The following C5orf46 variants were observed in gnomAD, a reference collection of about 807,000 sequenced individuals.
C5orf46 encodes chromosome 5 open reading frame 46.
C5orf46 carries 9 observed loss-of-function variants against 8.9 expected under a neutral mutation model. That is an observed-to-expected ratio of 1.01 (90% CI 0.61 to 1.76). The LOEUF (loss-of-function observed/expected upper bound fraction) is 1.76, where lower values mean the gene tolerates loss of function less well. Ranked by LOEUF, C5orf46 falls within the 40% of genes most tolerant of loss-of-function variation. C5orf46 has a pLI of 0.00. For synonymous variants in C5orf46, 47 were observed against 41.4 expected (o/e 1.14, Z -0.52); for missense variants, 98 against 107.8 (o/e 0.91, Z 0.40).
chr5:147,904,496 A>AT (rs1011897533), intron 1 of C5orf46, among the ~76,000 whole-genome samples: 83 of 152,266 alleles, frequency 5.5e-4, no homozygotes, highest in African/African-American at 1.7e-3. Flanking sequence ...GAAAGATGAG[A>AT]TTTTTTCTCC....
chr5:147,900,873 G>C (rs765255680), intron 2 of C5orf46, among the ~76,000 whole-genome samples: 1 of 152,158 alleles, frequency 6.6e-6, no homozygotes, highest in East Asian at 1.9e-4. Flanking sequence ...GATTAATATG[G>C]GGAGAATAAA....
chr5:147,893,143 A>G (rs1169410299), intron 3 of C5orf46, among the ~76,000 whole-genome samples: 3 of 152,204 alleles, frequency 2.0e-5, no homozygotes, highest in South Asian at 2.1e-4. Flanking sequence ...AATTCAGAGT[A>G]TATAAAGAAA....
chr5:147,905,180 C>T (rs1757731699), intron 1 of C5orf46, among the ~76,000 whole-genome samples: 1 of 152,022 alleles, frequency 6.6e-6, no homozygotes, highest in South Asian at 2.1e-4. Flanking sequence ...TTTACAGTAA[C>T]TACTTTGTTG....
intron 1 of C5orf46, among the ~76,000 whole-genome samples, chr5:147,902,786 A>G (rs377729520): frequency 1.3e-5 from 2 of 152,232 alleles, no homozygotes; most frequent in Non-Finnish European, 2.9e-5. Flanking sequence ...TCAAAATAGT[A>G]TAACAATAAT....
At chr5:147,886,769 T>C (rs963944489) in intron 2 of C5orf46, 1 of 132,228 alleles carries the variant, frequency 7.6e-6, no homozygotes, top group African/African-American at 2.5e-5. Context: ...TCTAATTATA[T>C]TTTTTGTTAT....
chr5:147,890,673 G>A (rs1757489650), downstream of C5orf46, among the ~76,000 whole-genome samples: 1 of 151,918 alleles, frequency 6.6e-6, no homozygotes, highest in Non-Finnish European at 1.5e-5. Context: ...TGGCCACCTC[G>A]CGAAAGAGTA....
downstream of C5orf46, among the ~76,000 whole-genome samples, chr5:147,890,541 CAGCCAAAG>C (rs760492471): frequency 5.9e-5 from 9 of 151,982 alleles, no homozygotes; most frequent in Admixed American, 1.3e-4. Flanking sequence ...AAAAATTAAG[CAGCCAAAG>C]AATATAGACG....
At chr5:147,892,216 A>G (rs912098409), downstream of C5orf46, among the ~76,000 whole-genome samples, 1 of 152,248 alleles carries the variant, frequency 6.6e-6, no homozygotes, top group African/African-American at 2.4e-5. Flanking sequence ...GGCAAGAACC[A>G]TAGCCATGGC....
chr5:147,899,120 T>C (rs764939903), intron 2 of C5orf46, among the ~76,000 whole-genome samples: 3 of 152,182 alleles, frequency 2.0e-5, no homozygotes, highest in Non-Finnish European at 4.4e-5. Context: ...CTGGACCCAT[T>C]GAGAACTCCT....
At chr5:147,885,976 A>G (rs1165605854) in intron 2 of C5orf46, 1 of 152,188 alleles carries the variant, frequency 6.6e-6, no homozygotes, top group Non-Finnish European at 1.5e-5. Context: ...ACATCTTTGT[A>G]AAGAAATACT....
intron 2 of C5orf46, among the ~76,000 whole-genome samples, chr5:147,899,253 G>T (rs1444365170): frequency 6.6e-6 from 1 of 152,136 alleles, no homozygotes; most frequent in Non-Finnish European, 1.5e-5. Context: ...GAGGAGAAGG[G>T]ATTAAGAGCC....
intron 3 of C5orf46, among the ~76,000 whole-genome samples, chr5:147,894,861 C>A (rs1048352437): frequency 6.6e-6 from 1 of 151,578 alleles, no homozygotes; most frequent in Middle Eastern, 3.2e-3. Flanking sequence ...GAGTTCAAGA[C>A]CATCATGGCC....
chr5:147,886,762 AATT>A (rs1312959394), intron 2 of C5orf46: 1 of 149,754 alleles, frequency 6.7e-6, no homozygotes, highest in Admixed American at 7.1e-5. Context: ...TCTAATATCT[AATT>A]ATATTTTTTG....
chr5:147,888,596 T>G (rs948562477), downstream of C5orf46, among the ~76,000 whole-genome samples: 2 of 152,208 alleles, frequency 1.3e-5, no homozygotes, highest in Non-Finnish European at 2.9e-5. Flanking sequence ...TCAACCACTT[T>G]ATTATTTCTC....
chr5:147,888,468 C>A (rs1355420000), downstream of C5orf46, among the ~76,000 whole-genome samples: 2 of 152,150 alleles, frequency 1.3e-5, no homozygotes, highest in African/African-American at 4.8e-5. Flanking sequence ...GCTTTCCAGC[C>A]ACCTTGACGT....
chr5:147,906,367 C>A, intron 1 of C5orf46, 65 bp downstream of exon 1: 1 of 1,059,630 alleles, frequency 9.4e-7, no homozygotes, highest in South Asian at 1.7e-5. Context: ...GAATCAGTGC[C>A]ATCAGCTTTC....
rs773143524 is a variant in C5orf46 at position 147,906,537 on chromosome 5, T to C, written c.-36A>G. On this transcript the variant is annotated 5_prime_UTR_variant, in exon 1 of 4. Coordinates refer to ENST00000318315, the MANE Select transcript of C5orf46 (RefSeq NM_206966.3). ...CGGGGTATTCGTGCAGATAAATTGT[T>C]CAGATACATGTGAAACAATGCTCCA... 41 of 1,480,618 alleles carry C rather than the reference T, an allele frequency of 2.8e-5. No homozygotes were observed. The highest frequency in any genetic ancestry group is 3.9e-5 in the Non-Finnish European group (41 of 1,062,036). The allele number at this position is 1,480,618 out of a possible 1,614,324, so 91.7% of individuals were successfully genotyped here.
Position 147,906,413 on chromosome 5 carries a change from T to C in C5orf46, c.70+19A>G, listed in dbSNP as rs749511265. The C allele has an allele frequency of 4.5e-6, 7 of 1,568,608 alleles. No individual in the cohort carries two copies. The highest frequency in any genetic ancestry group is 6.1e-6 in the Non-Finnish European group (7 of 1,142,772). ...GCTAACTACTGAACAATTCATGGGC[T>C]GTGATCAGAAGCACTTACCTGCATA... is the stretch of plus-strand genomic sequence containing the variant. On this transcript the variant is annotated intron_variant, in intron 1 of 3. Coordinates refer to ENST00000318315, the MANE Select transcript of C5orf46 (RefSeq NM_206966.3).
At chr5:147,899,732 T>C (rs1757638957) in intron 2 of C5orf46, among the ~76,000 whole-genome samples, 1 of 152,172 alleles carries the variant, frequency 6.6e-6, no homozygotes, top group African/African-American at 2.4e-5. Flanking sequence ...AAGAAGACAG[T>C]ATTAACAAGA....
Sources: gnomAD v4.1 joint callset for allele counts (sites outside exome capture counted in the v4.1 genomes callset) on GRCh38, gnomAD v4.1.1 for gene constraint, MANE v1.5 for transcripts, NCBI Gene and HGNC (gene_info 2026-07-23, HGNC 2026-07-21) for gene names.